The following LOC112694756 variants were observed in gnomAD, a reference collection of about 807,000 sequenced individuals.
the LOC112694756 span, chr16:30,069,312 A>G: frequency 6.2e-7 from 1 of 1,614,170 alleles, no homozygotes; most frequent in Non-Finnish European, 8.5e-7. Flanking sequence ...GCAGAATGGC[A>G]TTGTGCCCAT....
At chr16:30,065,594 C>T in the LOC112694756 span, 4 of 152,242 alleles carry the variant, frequency 2.6e-5, no homozygotes, top group African/African-American at 9.7e-5. Flanking sequence ...GGATCGTGTT[C>T]TCGGCGCCCG....
the LOC112694756 span, chr16:30,069,323 C>T: frequency 9.2e-5 from 149 of 1,614,188 alleles, no homozygotes; most frequent in South Asian, 1.4e-3. Flanking sequence ...TTGTGCCCAT[C>T]GTGGAGCCTG....
At chr16:30,059,192 T>C in the LOC112694756 span, 41 of 388,804 alleles carry the variant, frequency 1.1e-4, no homozygotes. Flanking sequence ...GGGAAGAAGC[T>C]ATGATAAGAA....
the LOC112694756 span, chr16:30,069,419 G>A: frequency 2.5e-6 from 4 of 1,613,958 alleles, no homozygotes; most frequent in African/African-American, 4.0e-5. Context: ...ACCAGTGCAA[G>A]GTGGCTGGCC....
the LOC112694756 span, chr16:30,070,268 TGAA>T: frequency 7.3e-5 from 114 of 1,564,742 alleles, no homozygotes; most frequent in Non-Finnish European, 9.7e-5. Flanking sequence ...CTCCCACTCT[TGAA>T]GAGGAGGCCG....
chr16:30,066,615 C>T, the LOC112694756 span, among the ~76,000 whole-genome samples: 1 of 152,240 alleles, frequency 6.6e-6, no homozygotes, highest in African/African-American at 2.4e-5. Flanking sequence ...TACCACCCGC[C>T]CCCTCCCTTG....
At chr16:30,056,043 C>CAGAGCTGGGTATTGTTTAAA in the LOC112694756 span, among the ~76,000 whole-genome samples, 1 of 151,500 alleles carries the variant, frequency 6.6e-6, no homozygotes. Context: ...TCAAATGATC[C>CAGAGCTGGGTATTGTTTAAA]ACCCGCCTTG....
the LOC112694756 span, chr16:30,067,147 C>A: frequency 6.3e-7 from 1 of 1,592,676 alleles, no homozygotes; most frequent in East Asian, 2.3e-5. Context: ...GAACATTTCC[C>A]TGACCTCCAG....
the LOC112694756 span, chr16:30,067,677 C>T: frequency 1.2e-6 from 2 of 1,613,878 alleles, no homozygotes; most frequent in Non-Finnish European, 1.7e-6. Flanking sequence ...GGGAGGGCCT[C>T]CGGACGTGAG....
chr16:30,055,199 TC>T, the LOC112694756 span: 1 of 399,178 alleles, frequency 2.5e-6, no homozygotes, highest in Non-Finnish European at 4.4e-6. Context: ...GGACGGTAGC[TC>T]CCCCTGCAGG....
chr16:30,069,169 G>A, the LOC112694756 span: 4 of 1,338,264 alleles, frequency 3.0e-6, no homozygotes, highest in Non-Finnish European at 4.2e-6. Flanking sequence ...GGCGGCTCTT[G>A]TCTCCTGTAA....
chr16:30,061,784 TC>T, the LOC112694756 span, among the ~76,000 whole-genome samples: 1 of 151,602 alleles, frequency 6.6e-6, no homozygotes, highest in African/African-American at 2.4e-5. Flanking sequence ...GGTCCTGAAT[TC>T]CTGACCTTAA....
the LOC112694756 span, among the ~76,000 whole-genome samples, chr16:30,053,789 A>C: frequency 6.6e-6 from 1 of 152,130 alleles, no homozygotes; most frequent in Non-Finnish European, 1.5e-5. Context: ...GCATTTGGGG[A>C]ACTGCTAGGG....
At chr16:30,058,946 C>G in the LOC112694756 span, 1 of 398,488 alleles carries the variant, frequency 2.5e-6, no homozygotes, top group Non-Finnish European at 4.4e-6. Flanking sequence ...CGCAGGGCTT[C>G]CATTCTGGTG....
chr16:30,068,561 C>T, the LOC112694756 span: 2 of 1,471,188 alleles, frequency 1.4e-6, no homozygotes, highest in Non-Finnish European at 1.9e-6. Flanking sequence ...TGAGATTCCA[C>T]CACTGTACTC....
chr16:30,069,650 GCA>G, the LOC112694756 span: 1 of 1,613,544 alleles, frequency 6.2e-7, no homozygotes, highest in South Asian at 1.1e-5. Flanking sequence ...GCGCTGCGCC[GCA>G]CAGTGCCCCC....
chr16:30,062,954 A>C, the LOC112694756 span, among the ~76,000 whole-genome samples: 1 of 151,884 alleles, frequency 6.6e-6, no homozygotes, highest in East Asian at 1.9e-4. Flanking sequence ...GACCAGCCTG[A>C]CCAACATGGT....
the LOC112694756 span, chr16:30,059,074 G>T: frequency 2.2e-4 from 87 of 398,472 alleles, 2 homozygotes; most frequent in Admixed American, 3.7e-3. Context: ...TAAAAGGAAA[G>T]CCAGGCATCT....
chr16:30,067,194 CCTAG>C, the LOC112694756 span: 1 of 1,611,462 alleles, frequency 6.2e-7, no homozygotes, highest in Non-Finnish European at 8.5e-7. Context: ...GATGGGAAAC[CCTAG>C]CTAACTAGTC....
Sources: allele counts gnomAD v4.1 joint callset (sites outside exome capture counted in the v4.1 genomes callset), GRCh38; gene constraint gnomAD v4.1.1; transcripts MANE v1.5.